Variants in CYLC2 observed in about 807,000 individuals in gnomAD.
The protein encoded by CYLC2 is cylicin-2.
Under a neutral mutation model 26.1 loss-of-function variants are expected in CYLC2, and 30 were observed. That is an observed-to-expected ratio of 1.15 (90% CI 0.86 to 1.56). The LOEUF (loss-of-function observed/expected upper bound fraction) is 1.56, where lower values mean the gene tolerates loss of function less well. Ranked by LOEUF, CYLC2 falls within the 40% of genes most tolerant of loss-of-function variation. The pLI is 0.00. For synonymous variants in CYLC2, 158 were observed against 132.8 expected, an observed-to-expected ratio of 1.19 and a Z score of -1.31; for missense variants, 498 against 394.4, an observed-to-expected ratio of 1.26 and a Z score of -2.23.
At position 103,004,710 on chromosome 9, in the gene CYLC2, CA is replaced by C. The variant is rs759269481; in HGVS notation, c.198del (p.Gln66HisfsTer2). On this transcript the variant is annotated frameshift_variant, in exon 4 of 8. Coordinates refer to ENST00000374798, the MANE Select transcript of CYLC2 (RefSeq NM_001340.5). LOFTEE classifies it high-confidence loss of function. ...DNTVSIIDEE[Q>X]LRGDRRQPLW... ...CATCTTTCAGATAATTGATGAAGAA[CA>C]ATTAAGAGGAGATCGTAGACAACCA... 4.4e-6 allele frequency: 7 copies of C among 1,590,666 alleles called. No homozygotes were observed. The highest frequency in any genetic ancestry group is 8.5e-7 in the Non-Finnish European group (1 of 1,172,702).
Position 103,001,884 on chromosome 9 carries a change from T to C in CYLC2, c.58+266T>C, listed in dbSNP as rs186591898. ...TTAGAAGTCATACAATCAGATAATC[T>C]TACAGTTGAAAAGCAATGTAGAAAT... is the stretch of plus-strand genomic sequence containing the variant. On this transcript the variant is annotated intron_variant, in intron 2 of 7. Coordinates refer to ENST00000374798, the MANE Select transcript of CYLC2 (RefSeq NM_001340.5). Among the ~76,000 whole-genome samples, 268 of 152,258 alleles carry C rather than the reference T, an allele frequency of 1.8e-3. 2 individuals are homozygous for C. The highest frequency in any genetic ancestry group is 6.3e-3 in the African/African-American group (262 of 41,574).
In CYLC2 at chr9:102,995,365, G is replaced by A. The variant is rs1285905109; in HGVS notation, c.-16G>A. On this transcript the variant is annotated 5_prime_UTR_variant, in exon 1 of 8. Transcript: ENST00000374798. ...ACTTACAATACTTAAGTCCTGGCAA[G>A]TCATAAGTGGGGAAAATGTCTCTCC... is the stretch of plus-strand genomic sequence containing the variant. The A allele has an allele frequency of 1.9e-6, 3 of 1,602,446 alleles. No individual in the cohort carries two copies. The highest frequency in any genetic ancestry group is 2.2e-5 in the East Asian group (1 of 44,658).
Position 103,005,278 on chromosome 9 carries a change from A to G in CYLC2, c.647A>G (p.Asp216Gly). ...SEGEKGGTEK[D>G]SKKGKKDSKK... ...GGTGAAAAAGGAGGTACAGAGAAAG[A>G]TAGCAAAAAAGGTAAAAAGGATTCA... The change falls in exon 5 of 8, where the codon GAT (aspartate) becomes GGT (glycine). Residue 216 changes from aspartate to glycine, a missense_variant. Asp to Gly is a moderately conservative substitution (Grantham distance 94). Transcript: ENST00000374798. 6.2e-7 allele frequency: 1 copy of G among 1,613,778 alleles called. No individual in the cohort carries two copies. Among genetic ancestry groups the G allele is most frequent in the Non-Finnish European group, 8.5e-7 (1 of 1,179,916 alleles).
chr9:103,007,959 T>C (rs932946391), intron 5 of CYLC2, among the ~76,000 whole-genome samples: 4 of 151,730 alleles, frequency 2.6e-5, no homozygotes, highest in African/African-American at 7.3e-5. Context: ...GATCACACGT[T>C]GTTAGCCTGG....
At chr9:103,015,118 T>TA (rs1829483479) in intron 6 of CYLC2, among the ~76,000 whole-genome samples, 1 of 66,056 alleles carries the variant, frequency 1.5e-5, no homozygotes, top group African/African-American at 5.7e-5. Flanking sequence ...ACATAACATG[T>TA]ATATCACGTG....
intron 1 of CYLC2, among the ~76,000 whole-genome samples, chr9:103,001,349 G>GTA (rs1829286917): frequency 1.3e-5 from 2 of 151,460 alleles, no homozygotes; most frequent in African/African-American, 4.8e-5. Context: ...ATACATGTAT[G>GTA]TATATATAGT....
intron 6 of CYLC2, among the ~76,000 whole-genome samples, chr9:103,015,941 A>AT (rs1364410212): frequency 6.7e-6 from 1 of 150,014 alleles, no homozygotes; most frequent in Non-Finnish European, 1.5e-5. Flanking sequence ...GAAATTATAT[A>AT]TATATCTAAT....
intron 7 of CYLC2, among the ~76,000 whole-genome samples, chr9:103,017,392 G>A (rs1201940394): frequency 6.6e-6 from 1 of 151,902 alleles, no homozygotes; most frequent in Non-Finnish European, 1.5e-5. Context: ...AAACTTCATG[G>A]ACTTATTTAT....
chr9:103,002,529 T>G (rs1359501051), intron 2 of CYLC2, among the ~76,000 whole-genome samples: 1 of 151,548 alleles, frequency 6.6e-6, no homozygotes, highest in Non-Finnish European at 1.5e-5. Flanking sequence ...CCACACCTGG[T>G]TTTTAGTAGA....
At chr9:103,007,093 G>T (rs1829359968) in intron 5 of CYLC2, among the ~76,000 whole-genome samples, 1 of 152,106 alleles carries the variant, frequency 6.6e-6, no homozygotes, top group South Asian at 2.1e-4. Context: ...GGTTCAAATT[G>T]ACACTGTTCT....
intron 6 of CYLC2, among the ~76,000 whole-genome samples, chr9:103,015,101 GTGATATA>G: frequency 5.0e-5 from 2 of 39,928 alleles, no homozygotes; most frequent in African/African-American, 1.8e-4. Context: ...TGTATATCAC[GTGATATA>G]CATAACATGT....
intron 6 of CYLC2, among the ~76,000 whole-genome samples, chr9:103,014,581 T>TACATCATATGTATATTACGCAGTAC (rs1829470587): frequency 6.9e-6 from 1 of 144,268 alleles, no homozygotes; most frequent in African/African-American, 2.5e-5. Context: ...TTATGCAGTA[T>TACATCATATGTATATTACGCAGTAC]ACATCATATG....
intron 5 of CYLC2, among the ~76,000 whole-genome samples, chr9:103,008,157 A>C (rs1343553491): frequency 1.0e-5 from 1 of 97,492 alleles, no homozygotes; most frequent in East Asian, 3.6e-4. Context: ...TTTCCTCTAT[A>C]AAAAGGCCCT....
intron 5 of CYLC2, among the ~76,000 whole-genome samples, 178 bp from the exon 6 acceptor site, chr9:103,011,804 A>G (rs1210733243): frequency 1.3e-5 from 2 of 152,058 alleles, no homozygotes; most frequent in Admixed American, 6.6e-5. Context: ...CATAATTTTT[A>G]TACAAAGTTT....
intron 6 of CYLC2, among the ~76,000 whole-genome samples, chr9:103,015,154 A>C (rs1157660413): frequency 6.3e-5 from 4 of 63,412 alleles, no homozygotes; most frequent in Non-Finnish European, 1.1e-4. Flanking sequence ...ATATCACGTG[A>C]TATACATAAC....
intron 3 of CYLC2, 60 bp from the exon 4 acceptor site, chr9:103,004,635 T>G: frequency 8.4e-7 from 1 of 1,183,762 alleles, no homozygotes; most frequent in Non-Finnish European, 1.2e-6. Context: ...TTGGGATATA[T>G]TAATACAAAC....
rs530314934 is a variant in CYLC2, at chr9:103,011,341, T to C, written c.*701-641T>C. 1.2e-4 allele frequency among the ~76,000 whole-genome samples: 18 copies of C among 152,228 alleles called. No homozygotes were observed. The South Asian group carries it at 3.1e-3, about 26-fold the overall frequency. Reference sequence around the variant, plus strand: ...ACTTTAAAACAGGTTTTTCAAGTACTAGGGGACATGAAATACTTACGTTTC... The same window carrying C: ...ACTTTAAAACAGGTTTTTCAAGTACCAGGGGACATGAAATACTTACGTTTC... On this transcript the variant is annotated intron_variant, in intron 5 of 7. Transcript: ENST00000374798.
At chr9:103,013,234 T>C (rs1829431988) in intron 6 of CYLC2, among the ~76,000 whole-genome samples, 1 of 93,592 alleles carries the variant, frequency 1.1e-5, no homozygotes, top group Non-Finnish European at 2.0e-5. Flanking sequence ...ATTATAAACA[T>C]ATAACATGTA....
intron 6 of CYLC2, among the ~76,000 whole-genome samples, chr9:103,013,791 ATT>A (rs1829449507): frequency 8.9e-6 from 1 of 111,746 alleles, no homozygotes; most frequent in African/African-American, 3.7e-5. Flanking sequence ...ATATGATTAT[ATT>A]TTATATTATA....
Sources: gnomAD v4.1 joint callset for allele counts (sites outside exome capture counted in the v4.1 genomes callset) on GRCh38, gnomAD v4.1.1 for gene constraint, MANE v1.5 for transcripts, NCBI Gene and HGNC (gene_info 2026-07-23, HGNC 2026-07-21) for gene names.